The following SLC5A1 variants were observed in gnomAD, a reference collection of about 807,000 sequenced individuals.
The protein encoded by SLC5A1 is sodium/glucose cotransporter 1.
A neutral mutation model predicts 73.5 loss-of-function variants in SLC5A1; 42 were observed. The ratio of observed to expected loss-of-function variants is 0.57; its 90% CI spans 0.45 to 0.74. SLC5A1 has a LOEUF of 0.74. SLC5A1 is among the 30% of genes least tolerant of loss of function. SLC5A1 has a pLI of 0.00. For missense variants in SLC5A1, 634 were observed against 855.4 expected, an observed-to-expected ratio of 0.74 and a Z score of 3.23; for synonymous variants, 300 against 317.4, an observed-to-expected ratio of 0.95 and a Z score of 0.58.
intron 2 of SLC5A1, among the ~76,000 whole-genome samples, chr22:32,060,162 CACACACACACACACACACACACACAT>C (rs2093959684): frequency 7.5e-6 from 1 of 134,030 alleles, no homozygotes; most frequent in Non-Finnish European, 1.6e-5. Flanking sequence ...CACACACACA[CACACACACACACACACACACACACAT>C]ATATATATAT....
intron 2 of SLC5A1, among the ~76,000 whole-genome samples, chr22:32,057,987 T>C (rs2093954354): frequency 1.3e-5 from 2 of 152,368 alleles, no homozygotes; most frequent in Non-Finnish European, 2.9e-5. Context: ...GTGTTCTGAT[T>C]ATAAAATTAT....
At chr22:32,091,345 CA>C in intron 10 of SLC5A1, among the ~76,000 whole-genome samples, 2 of 148,572 alleles carry the variant, frequency 1.3e-5, no homozygotes, top group Non-Finnish European at 1.5e-5. Context: ...ACACACACCC[CA>C]CCACCTTCAT....
chr22:32,046,312 T>A (rs2093937092), intron 1 of SLC5A1, among the ~76,000 whole-genome samples: 1 of 151,852 alleles, frequency 6.6e-6, no homozygotes, highest in Admixed American at 6.6e-5. Flanking sequence ...CCCTCCATGG[T>A]CCTTACTATC....
intron 2 of SLC5A1, among the ~76,000 whole-genome samples, chr22:32,058,891 A>G (rs2093955941): frequency 6.6e-6 from 1 of 152,046 alleles, no homozygotes; most frequent in African/African-American, 2.4e-5. Flanking sequence ...TCTTCAGGAG[A>G]GAGTGGTCCT....
At position 32,043,885 on chromosome 22, in the gene SLC5A1, G is replaced by T. The variant is rs890542300; in HGVS notation, c.135+469G>T. Reference sequence around the variant, plus strand: ...CCCCAGAGATGGGGATGCTGAGGTGGCAGACAGAGGGATGCTGACCCATGC... The same window carrying T: ...CCCCAGAGATGGGGATGCTGAGGTGTCAGACAGAGGGATGCTGACCCATGC... On this transcript the variant is annotated intron_variant, in intron 1 of 14. Coordinates refer to ENST00000266088, the MANE Select transcript of SLC5A1 (RefSeq NM_000343.4). The surrounding 1 kb of genome is among the most constrained non-coding windows in gnomAD (Gnocchi z 6.5). Among the ~76,000 whole-genome samples the T allele has an allele frequency of 6.6e-6, 1 of 152,214 alleles. No homozygotes were observed.
At position 32,043,373 on chromosome 22, in the gene SLC5A1, T is replaced by C; in HGVS notation, c.92T>C (p.Ile31Thr). The C allele has an allele frequency of 6.2e-7, 1 of 1,614,150 alleles. No homozygotes were observed. Among genetic ancestry groups the C allele is most frequent in the Non-Finnish European group, 8.5e-7 (1 of 1,180,010 alleles). ...ELIRNAADIS[I>T]IVIYFVVVMA... The stretch of plus-strand genomic sequence containing the variant: ...ATTCGCAATGCAGCCGATATCTCCA[T>C]CATCGTTATCTACTTCGTGGTAGTG... The change falls in exon 1 of 15, where the codon ATC (isoleucine) becomes ACC (threonine). Residue 31 changes from isoleucine to threonine, a missense_variant. Physicochemically the swap from Ile to Thr is moderately conservative, Grantham distance 89 (BLOSUM62 -1). This residue lies in a region of SLC5A1 where 51 missense variants were observed against 50.5 expected (regional missense o/e 1.01). Transcript: ENST00000266088. The surrounding 1 kb of genome is among the most constrained non-coding windows in gnomAD (Gnocchi z 6.5).
chr22:32,047,398 A>C (rs1024138743), intron 1 of SLC5A1, among the ~76,000 whole-genome samples: 2 of 150,966 alleles, frequency 1.3e-5, no homozygotes, highest in African/African-American at 4.9e-5. Context: ...TCAATCTTCA[A>C]CTTCACAGTG....
intron 2 of SLC5A1, among the ~76,000 whole-genome samples, chr22:32,055,610 T>A (rs2093950622): frequency 6.6e-6 from 1 of 152,178 alleles, no homozygotes; most frequent in African/African-American, 2.4e-5. Flanking sequence ...GGGAATGTCC[T>A]GGGAAAAACC....
At chr22:32,099,452 C>T (rs2149496731) in intron 12 of SLC5A1, 101 bp downstream of exon 12, 1 of 1,154,392 alleles carries the variant, frequency 8.7e-7, no homozygotes, top group Admixed American at 1.7e-5. Flanking sequence ...TCCCAGAGAT[C>T]TTGAGCAGAC....
chr22:32,045,292 T>G (rs1328812270), intron 1 of SLC5A1, among the ~76,000 whole-genome samples: 1 of 152,260 alleles, frequency 6.6e-6, no homozygotes, highest in African/African-American at 2.4e-5. Context: ...GTGTTTATAC[T>G]TTTTAAATGG....
intron 11 of SLC5A1, among the ~76,000 whole-genome samples, chr22:32,094,589 A>C (rs1259232827): frequency 6.6e-6 from 1 of 152,248 alleles, no homozygotes; most frequent in African/African-American, 2.4e-5. Context: ...CTCTCCAGGA[A>C]TTTATCCATC....
rs1555965813 is a variant in SLC5A1 at position 32,084,457 on chromosome 22, GCTATGACGCCTT to G, written c.685_696del (p.Tyr229_Phe232del). 6 of 1,614,056 alleles carry G rather than the reference GCTATGACGCCTT, an allele frequency of 3.7e-6. No homozygotes were observed. Among genetic ancestry groups the G allele is most frequent in the Non-Finnish European group, 5.1e-6 (6 of 1,179,996 alleles). ...TTTCCAGCTTTTCACGAAGTGGGAG[GCTATGACGCCTT>G]CATGGAAAAGTACATGAAAGCCATT... On this transcript the variant is annotated inframe_deletion, in exon 8 of 15. Coordinates refer to ENST00000266088, the MANE Select transcript of SLC5A1 (RefSeq NM_000343.4).
At chr22:32,081,076 T>C (rs1403675638) in intron 5 of SLC5A1, among the ~76,000 whole-genome samples, 1 of 152,052 alleles carries the variant, frequency 6.6e-6, no homozygotes, top group Admixed American at 6.6e-5. Flanking sequence ...GACATGAACA[T>C]GCATTTGGGG....
chr22:32,104,535 T>C (rs1569317969), intron 13 of SLC5A1, among the ~76,000 whole-genome samples: 1 of 152,250 alleles, frequency 6.6e-6, no homozygotes, highest in Non-Finnish European at 1.5e-5. Flanking sequence ...AACATTTCCA[T>C]ATGAGGCAAT....
chr22:32,086,559 G>A (rs1367210103), intron 10 of SLC5A1, among the ~76,000 whole-genome samples: 1 of 152,176 alleles, frequency 6.6e-6, no homozygotes. Context: ...CATCAGTCAG[G>A]CTTGGAAAGG....
intron 1 of SLC5A1, among the ~76,000 whole-genome samples, chr22:32,048,650 CCCT>C (rs1185800493): frequency 5.9e-5 from 9 of 152,276 alleles, no homozygotes; most frequent in African/African-American, 1.9e-4. Context: ...CCACATTCCT[CCCT>C]CTTCTCTAAT....
chr22:32,055,838 T>C (rs1176661863), intron 2 of SLC5A1, among the ~76,000 whole-genome samples: 1 of 152,200 alleles, frequency 6.6e-6, no homozygotes. Flanking sequence ...GGTGGTGCTG[T>C]AAAAATTAGC....
chr22:32,050,389 TC>T (rs2093943660), intron 2 of SLC5A1, among the ~76,000 whole-genome samples: 1 of 152,156 alleles, frequency 6.6e-6, no homozygotes, highest in Non-Finnish European at 1.5e-5. Context: ...TCTGCCTTTA[TC>T]CCAGTCGCTT....
At chr22:32,096,753 C>T (rs1366783263) in intron 11 of SLC5A1, among the ~76,000 whole-genome samples, 1 of 152,168 alleles carries the variant, frequency 6.6e-6, no homozygotes, top group Non-Finnish European at 1.5e-5. Context: ...GGGGCTAATG[C>T]AGGTCAACCT....
Sources: gnomAD v4.1 joint callset for allele counts (sites outside exome capture counted in the v4.1 genomes callset) on GRCh38, gnomAD v4.1.1 for gene constraint, gnomAD v4.1.1 regional missense constraint, Gnocchi (gnomAD v3.1) non-coding constraint, MANE v1.5 for transcripts, NCBI Gene and HGNC (gene_info 2026-07-23, HGNC 2026-07-21) for gene names.